Variants in ADGRL3 observed in about 807,000 individuals in gnomAD.
The protein encoded by ADGRL3 is calcium-independent alpha-latrotoxin receptor 3.
In ADGRL3, 62 loss-of-function variants were observed where a neutral mutation model predicts 153.5. The observed-to-expected ratio is 0.40, with a 90% CI of 0.33 to 0.50. The LOEUF (loss-of-function observed/expected upper bound fraction) is 0.50. Ranked by LOEUF, ADGRL3 falls within the 20% of genes least tolerant of loss-of-function variation. The pLI is 0.47. For synonymous variants in ADGRL3, 710 were observed against 672.5 expected (o/e 1.06, Z -0.86); for missense variants, 1,641 against 1,859.4 (o/e 0.88, Z 2.16).
At position 61,304,486 on chromosome 4, in the gene ADGRL3, C is replaced by G. The variant is rs78732734; in HGVS notation, c.-239-78638C>G. On this transcript the variant is annotated intron_variant, in intron 1 of 26. Transcript: ENST00000683033. Reference sequence around the variant, plus strand: ...CTTTTTTAAAAGGTAGTCTTTATGCCTGAGGTTTTGTACTTTATGCATTCT... The same window carrying G: ...CTTTTTTAAAAGGTAGTCTTTATGCGTGAGGTTTTGTACTTTATGCATTCT... Among the ~76,000 whole-genome samples, 73 of 152,272 alleles carry G rather than the reference C, an allele frequency of 4.8e-4. 1 individual carries two copies. In the East Asian group the frequency reaches 0.013, roughly 27 times the overall value.
At chr4:62,064,699 G>A (rs1445482314) in intron 25 of ADGRL3, among the ~76,000 whole-genome samples, 1 of 151,450 alleles carries the variant, frequency 6.6e-6, no homozygotes, top group East Asian at 1.9e-4. Context: ...GGTCACAGGT[G>A]AAAGATTAGT....
chr4:61,305,184 T>C (rs1386426876), intron 1 of ADGRL3, among the ~76,000 whole-genome samples: 1 of 152,144 alleles, frequency 6.6e-6, no homozygotes, highest in Non-Finnish European at 1.5e-5. Flanking sequence ...CTTTTTTTTT[T>C]TTAACTATTT....
chr4:61,756,788 T>C (rs6551650), intron 8 of ADGRL3, among the ~76,000 whole-genome samples: 74,471 of 151,572 alleles, frequency 0.49, 19,064 homozygotes, highest in East Asian at 0.71. Context: ...TTTTGAGATA[T>C]GTCCCATCAA....
At chr4:61,371,094 T>G (rs1167173793) in intron 1 of ADGRL3, among the ~76,000 whole-genome samples, 1 of 150,388 alleles carries the variant, frequency 6.6e-6, no homozygotes, top group Non-Finnish European at 1.5e-5. Context: ...TAGATCTTCC[T>G]CCATCCTTTT....
chr4:61,802,296 A>G (rs1400754514), intron 8 of ADGRL3, among the ~76,000 whole-genome samples: 3 of 152,280 alleles, frequency 2.0e-5, no homozygotes, highest in Middle Eastern at 3.4e-3. Context: ...TCCAACTCAA[A>G]TTCGCCAAAA....
chr4:61,677,206 T>A lies in ADGRL3; in HGVS notation c.583+271T>A, dbSNP rs11938050. The A allele has an allele frequency of 4.8e-3, 1,669 of 349,834 alleles. 5 individuals are homozygous for A. The highest frequency in any genetic ancestry group is 6.7e-3 in the Non-Finnish European group (1,238 of 184,886). 21.7% of individuals were successfully genotyped at this position (349,834 alleles called of 1,614,324 possible). On this transcript the variant is annotated intron_variant, in intron 6 of 26. Transcript: ENST00000683033. ...TAATTAATGCAAGAATATAAAACAT[T>A]TAGAAAAAGGTTGGGGGAGTGTTAT...
At chr4:61,433,368 A>ATTTTT (rs775643745) in intron 2 of ADGRL3, among the ~76,000 whole-genome samples, 5 of 132,798 alleles carry the variant, frequency 3.8e-5, no homozygotes, top group Non-Finnish European at 5.1e-5. Context: ...TTTTTTTTAA[A>ATTTTT]AAAAAATCAG....
intron 2 of ADGRL3, among the ~76,000 whole-genome samples, chr4:61,432,723 G>A (rs1284915967): frequency 4.2e-5 from 6 of 144,212 alleles, no homozygotes; most frequent in Non-Finnish European, 6.0e-5. Context: ...GAGCGATCTC[G>A]GCGCACCGCA....
chr4:61,903,267 C>A (rs557215355), intron 11 of ADGRL3, among the ~76,000 whole-genome samples: 1 of 152,110 alleles, frequency 6.6e-6, no homozygotes, highest in Non-Finnish European at 1.5e-5. Context: ...CCTCAACTTA[C>A]CTTTCAAGGT....
At chr4:61,425,141 C>A (rs947163893) in intron 2 of ADGRL3, among the ~76,000 whole-genome samples, 1 of 152,084 alleles carries the variant, frequency 6.6e-6, no homozygotes, top group African/African-American at 2.4e-5. Flanking sequence ...CTATGGTGGG[C>A]AAATACCCCA....
At position 61,701,913 on chromosome 4, in the gene ADGRL3, G is replaced by A. The variant is rs867348015; in HGVS notation, c.583+24978G>A. Among the ~76,000 whole-genome samples, 10 of 152,012 alleles carry A rather than the reference G, an allele frequency of 6.6e-5. No individual in the cohort carries two copies. The East Asian group carries it at 7.7e-4, about 12-fold the overall frequency. Reference sequence around the variant, plus strand: ...GGATCTGAGGAATGTTAAAGAAGGCGGTACTGAGATAAGAGCACAGTTTAA... The same window carrying A: ...GGATCTGAGGAATGTTAAAGAAGGCAGTACTGAGATAAGAGCACAGTTTAA... On this transcript the variant is annotated intron_variant, in intron 6 of 26. Coordinates refer to ENST00000683033, the MANE Select transcript of ADGRL3 (RefSeq NM_001387552.1).
At chr4:61,772,992 A>T (rs1187682198) in intron 8 of ADGRL3, among the ~76,000 whole-genome samples, 2 of 152,162 alleles carry the variant, frequency 1.3e-5, no homozygotes, top group Non-Finnish European at 2.9e-5. Flanking sequence ...TCTACTTCTA[A>T]GTTTTCTTCC....
At chr4:61,908,507 G>A (rs1400584682) in intron 11 of ADGRL3, among the ~76,000 whole-genome samples, 2 of 151,628 alleles carry the variant, frequency 1.3e-5, no homozygotes, top group African/African-American at 4.9e-5. Context: ...TGGGACAGGA[G>A]GCAGCTACTT....
chr4:61,939,580 C>T (rs1425208864), intron 15 of ADGRL3, among the ~76,000 whole-genome samples: 3 of 152,068 alleles, frequency 2.0e-5, no homozygotes, highest in African/African-American at 7.2e-5. Flanking sequence ...AGTGATTCTC[C>T]TGCCTCAGCC....
intron 19 of ADGRL3, among the ~76,000 whole-genome samples, chr4:61,993,405 C>T (rs1436913323): frequency 6.7e-6 from 1 of 149,438 alleles, no homozygotes; most frequent in Non-Finnish European, 1.5e-5. Context: ...GGTTCTCCTG[C>T]CTCAGCCTCC....
intron 2 of ADGRL3, among the ~76,000 whole-genome samples, chr4:61,451,485 T>G (rs965479592): frequency 2.0e-5 from 3 of 152,192 alleles, no homozygotes; most frequent in African/African-American, 4.8e-5. Context: ...TTGATAAGTA[T>G]GCTACCTCAG....
intron 5 of ADGRL3, among the ~76,000 whole-genome samples, chr4:61,596,364 A>C (rs999607877): frequency 6.6e-6 from 1 of 152,186 alleles, no homozygotes; most frequent in Non-Finnish European, 1.5e-5. Context: ...AAGACTTTAG[A>C]CAGAGCAATC....
chr4:61,616,285 A>G (rs2091993436), intron 5 of ADGRL3, among the ~76,000 whole-genome samples: 1 of 152,190 alleles, frequency 6.6e-6, no homozygotes, highest in South Asian at 2.1e-4. Context: ...GAAAATATGT[A>G]TGATAGAAGC....
intron 1 of ADGRL3, among the ~76,000 whole-genome samples, chr4:61,352,037 C>T (rs2096061904): frequency 6.6e-6 from 1 of 152,072 alleles, no homozygotes; most frequent in African/African-American, 2.4e-5. Context: ...AAAGGATTTA[C>T]CATTCTAGAT....
Sources: allele counts gnomAD v4.1 joint callset (sites outside exome capture counted in the v4.1 genomes callset), GRCh38; gene constraint gnomAD v4.1.1; transcripts MANE v1.5; gene names NCBI Gene and HGNC (gene_info 2026-07-23, HGNC 2026-07-21).